The following MBTD1 variants were observed in gnomAD, a reference collection of about 807,000 sequenced individuals.
The protein encoded by MBTD1 is MBT domain-containing protein 1.
Under a neutral mutation model 87.8 loss-of-function variants are expected in MBTD1, and 24 were observed. That is an observed-to-expected ratio of 0.27 (90% CI 0.20 to 0.38). The LOEUF (loss-of-function observed/expected upper bound fraction) is 0.38, where lower values mean the gene tolerates loss of function less well. Ranked by LOEUF, MBTD1 falls within the 10% of genes least tolerant of loss-of-function variation. MBTD1 has a pLI of 1.00. For synonymous variants in MBTD1, 237 were observed against 248.6 expected, an observed-to-expected ratio of 0.95 and a Z score of 0.44; for missense variants, 436 against 760.2, an observed-to-expected ratio of 0.57 and a Z score of 5.02.
At chr17:51,203,508 C>T (rs746426457) in intron 8 of MBTD1, among the ~76,000 whole-genome samples, 5 of 151,974 alleles carry the variant, frequency 3.3e-5, no homozygotes, top group African/African-American at 9.7e-5. Flanking sequence ...TCCATCTCCC[C>T]GGTTCAAGCG....
At chr17:51,241,587 A>C (rs964903786) in intron 2 of MBTD1, among the ~76,000 whole-genome samples, 1 of 151,570 alleles carries the variant, frequency 6.6e-6, no homozygotes. Flanking sequence ...TTTTTTTGAG[A>C]TAGCGTCTCG....
chr17:51,228,173 G>C (rs754811595), intron 2 of MBTD1, among the ~76,000 whole-genome samples: 1 of 151,946 alleles, frequency 6.6e-6, no homozygotes, highest in Non-Finnish European at 1.5e-5. Flanking sequence ...TAAATGATGA[G>C]AACACATGGA....
At chr17:51,180,921 G>A (rs555293404) in intron 16 of MBTD1, among the ~76,000 whole-genome samples, 1 of 152,162 alleles carries the variant, frequency 6.6e-6, no homozygotes, top group African/African-American at 2.4e-5. Flanking sequence ...TCACTAATCT[G>A]ACTGGGATAA....
At chr17:51,201,545 C>T (rs779776754) in intron 12 of MBTD1, 47 bp downstream of exon 12, 2 of 1,278,630 alleles carry the variant, frequency 1.6e-6, no homozygotes, top group African/African-American at 1.5e-5. Context: ...TAGCTTATAC[C>T]CAAATCCTAT....
At chr17:51,198,456 TTAC>T (rs1321621516) in intron 12 of MBTD1, among the ~76,000 whole-genome samples, 1 of 152,162 alleles carries the variant, frequency 6.6e-6, no homozygotes, top group Non-Finnish European at 1.5e-5. Context: ...TACACTAAAT[TTAC>T]TACTCTCAAG....
chr17:51,199,451 AT>A lies in MBTD1; in HGVS notation c.1224+2140del, dbSNP rs907683754. Among the ~76,000 whole-genome samples the A allele has an allele frequency of 4.8e-5, 7 of 146,758 alleles. No homozygotes were observed. In the East Asian group the frequency reaches 8.2e-4, roughly 17 times the overall value. On this transcript the variant is annotated intron_variant, in intron 12 of 16. Transcript: ENST00000586178. ...TTTCAGGAATCACTGTTTTAAAAAA[AT>A]TTTTTTTTTGAGACAGTCTTGCTTT...
chr17:51,215,221 G>GT (rs1419506851), intron 6 of MBTD1, among the ~76,000 whole-genome samples: 9 of 152,184 alleles, frequency 5.9e-5, no homozygotes, highest in African/African-American at 2.2e-4. Flanking sequence ...CATTAATCAT[G>GT]TGGTAAGGTT....
At chr17:51,224,334 G>A (rs912546359) in intron 3 of MBTD1, among the ~76,000 whole-genome samples, 2 of 152,214 alleles carry the variant, frequency 1.3e-5, no homozygotes, top group African/African-American at 2.4e-5. Context: ...AAACTAGAAC[G>A]AAGGGTTCTA....
Position 51,193,104 on chromosome 17 carries a change from G to A in MBTD1, c.1456-88C>T, listed in dbSNP as rs765394917. On this transcript the variant is annotated intron_variant, in intron 14 of 16. Transcript: ENST00000586178. ...CACTAAGAAAGCAAAAAACAGAAGC[G>A]ACTAGCTAAATAACATAATTATAAA... The A allele has an allele frequency of 1.4e-5, 11 of 804,526 alleles. No individual in the cohort carries two copies. In the East Asian group the frequency reaches 1.5e-4, roughly 11 times the overall value. The allele number at this position is 804,526 out of a possible 1,614,324, so 49.8% of individuals were successfully genotyped here.
At chr17:51,250,856 A>G (rs1190453073) in intron 2 of MBTD1, 2 of 152,212 alleles carry the variant, frequency 1.3e-5, no homozygotes, top group African/African-American at 4.8e-5. Context: ...TCAATTTTCA[A>G]AACAAAAATC....
At chr17:51,194,895 G>GC (rs2051010365) in intron 13 of MBTD1, among the ~76,000 whole-genome samples, 1 of 151,740 alleles carries the variant, frequency 6.6e-6, no homozygotes, top group Admixed American at 6.6e-5. Context: ...GTCTTTATTG[G>GC]GAAAAAAAGA....
At chr17:51,200,353 GGAGTTC>G (rs1176167270) in intron 12 of MBTD1, among the ~76,000 whole-genome samples, 2 of 151,776 alleles carry the variant, frequency 1.3e-5, no homozygotes, top group African/African-American at 4.8e-5. Flanking sequence ...CTTGAGCTCA[GGAGTTC>G]GAGACTATCC....
intron 2 of MBTD1, among the ~76,000 whole-genome samples, chr17:51,233,957 T>C (rs2053679480): frequency 6.8e-6 from 1 of 147,228 alleles, no homozygotes; most frequent in Non-Finnish European, 1.5e-5. Context: ...CAAGTGAAAA[T>C]AAATGAAACT....
intron 16 of MBTD1, among the ~76,000 whole-genome samples, chr17:51,188,483 A>C (rs2050646871): frequency 6.6e-6 from 1 of 152,232 alleles, no homozygotes; most frequent in African/African-American, 2.4e-5. Flanking sequence ...AGATGAAGCA[A>C]CAGAGCCAGA....
At chr17:51,231,823 C>CT (rs1344999221) in intron 2 of MBTD1, among the ~76,000 whole-genome samples, 1 of 150,412 alleles carries the variant, frequency 6.6e-6, no homozygotes, top group Non-Finnish European at 1.5e-5. Context: ...TTTTTTTGTA[C>CT]TTTTTCCCCC....
At chr17:51,195,105 C>A in intron 13 of MBTD1, 109 bp downstream of exon 13, 2 of 896,210 alleles carry the variant, frequency 2.2e-6, no homozygotes, top group Admixed American at 2.7e-5. Context: ...TATCCACACA[C>A]ATTATATACG....
At position 51,179,486 on chromosome 17, in the gene MBTD1, A is replaced by ATATATATATATATATATATATATT. The variant is rs1568135488; in HGVS notation, c.*1089_*1090insAATATATATATATATATATATATA. ...CCTGAATACAATTAAAGACAATTTT[A>ATATATATATATATATATATATATT]TATATATATATATATATATATATAT... is the stretch of plus-strand genomic sequence containing the variant. On this transcript the variant is annotated 3_prime_UTR_variant, in exon 17 of 17. Transcript: ENST00000586178. 1.1e-3 allele frequency: 16 copies of ATATATATATATATATATATATATT among 15,024 alleles called. 2 individuals are homozygous for ATATATATATATATATATATATATT. Among genetic ancestry groups the ATATATATATATATATATATATATT allele is most frequent in the Non-Finnish European group, 1.4e-3 (10 of 7,316 alleles). 0.9% of individuals were successfully genotyped at this position (15,024 alleles called of 1,614,324 possible). A position where few individuals can be genotyped will look rare whatever the true frequency, so the allele number is the denominator to read the frequency against.
At chr17:51,237,239 T>C in intron 2 of MBTD1, among the ~76,000 whole-genome samples, 1 of 139,202 alleles carries the variant, frequency 7.2e-6, no homozygotes. Flanking sequence ...GAGGTTGCAG[T>C]GAGCCAAGAT....
chr17:51,231,023 C>T (rs781670116), intron 2 of MBTD1, among the ~76,000 whole-genome samples: 2 of 152,236 alleles, frequency 1.3e-5, no homozygotes, highest in African/African-American at 4.8e-5. Flanking sequence ...CTGCAACCTC[C>T]GCCTCCTGAG....
Sources: gnomAD v4.1 joint callset for allele counts (sites outside exome capture counted in the v4.1 genomes callset) on GRCh38, gnomAD v4.1.1 for gene constraint, MANE v1.5 for transcripts, NCBI Gene and HGNC (gene_info 2026-07-23, HGNC 2026-07-21) for gene names.